CUL3: variants seen among roughly 807,000 people sequenced by gnomAD.
The protein encoded by CUL3 is cullin 3, also known as cullin-3.
CUL3 carries 19 observed loss-of-function variants against 89.1 expected under a neutral mutation model. That is an observed-to-expected ratio of 0.21 (90% CI 0.15 to 0.31). The LOEUF (loss-of-function observed/expected upper bound fraction) is 0.31. Among genes scored for constraint, CUL3 ranks in the 10% least tolerant of loss-of-function variants. The pLI, the probability that CUL3 is intolerant of heterozygous loss-of-function variation, is 1.00. For synonymous variants in CUL3, 351 were observed against 308.4 expected (o/e 1.14, Z -1.45); for missense variants, 469 against 942.3 (o/e 0.50, Z 6.58).
In CUL3 at chr2:224,471,692, T is replaced by C. The variant is rs1440895219; in HGVS notation, c.*2553A>G. The C allele has an allele frequency of 2.3e-5, 5 of 220,728 alleles. No individual in the cohort carries two copies. Among genetic ancestry groups the C allele is most frequent in the Non-Finnish European group, 3.6e-5 (4 of 110,252 alleles). 13.7% of individuals were successfully genotyped at this position (220,728 alleles called of 1,614,324 possible). On this transcript the variant is annotated 3_prime_UTR_variant, in exon 16 of 16. Coordinates refer to ENST00000264414, the MANE Select transcript of CUL3 (RefSeq NM_003590.5). ...AGAATCCTTGCAATCACAACCACTTTTTGTGAGGCTGTGCGTTCCCTAATT... is the reference window on the plus strand; with the variant it reads ...AGAATCCTTGCAATCACAACCACTTCTTGTGAGGCTGTGCGTTCCCTAATT...
intron 1 of CUL3, among the ~76,000 whole-genome samples, chr2:224,573,642 C>T (rs1695234578): frequency 6.6e-6 from 1 of 152,158 alleles, no homozygotes; most frequent in Non-Finnish European, 1.5e-5. Flanking sequence ...AGATCTGCCC[C>T]TGGCTAATAA....
intron 12 of CUL3, among the ~76,000 whole-genome samples, chr2:224,496,589 T>TA (rs1334824934): frequency 6.6e-6 from 1 of 152,082 alleles, no homozygotes; most frequent in African/African-American, 2.4e-5. Flanking sequence ...ATAATAATAA[T>TA]AGACTTACAA....
At chr2:224,488,279 GGA>G (rs1691818004) in intron 13 of CUL3, among the ~76,000 whole-genome samples, 1 of 151,462 alleles carries the variant, frequency 6.6e-6, no homozygotes, top group Non-Finnish European at 1.5e-5. Context: ...CAGAACTGAA[GGA>G]GATAAGAGAA....
At chr2:224,496,610 C>T (rs1372987394) in intron 12 of CUL3, among the ~76,000 whole-genome samples, 1 of 152,004 alleles carries the variant, frequency 6.6e-6, no homozygotes, top group Non-Finnish European at 1.5e-5. Flanking sequence ...AACACCACTA[C>T]TGTTATACTA....
At chr2:224,523,596 T>TG (rs1242568643) in intron 3 of CUL3, among the ~76,000 whole-genome samples, 2 of 152,194 alleles carry the variant, frequency 1.3e-5, no homozygotes, top group Non-Finnish European at 2.9e-5. Flanking sequence ...AAGCACATCT[T>TG]GAAGAGGTAT....
At chr2:224,506,230 A>G (rs1044405436) in intron 7 of CUL3, 98 bp from the exon 8 acceptor site, 5 of 739,410 alleles carry the variant, frequency 6.8e-6, no homozygotes, top group Admixed American at 3.4e-5. Flanking sequence ...TGCTGGTAAT[A>G]AACATGTATA....
At chr2:224,522,131 T>C (rs1380669003) in intron 3 of CUL3, among the ~76,000 whole-genome samples, 1 of 151,348 alleles carries the variant, frequency 6.6e-6, no homozygotes, top group African/African-American at 2.4e-5. Flanking sequence ...ATGTTAGAAC[T>C]TGCCTTACCA....
In CUL3 at chr2:224,481,886, A is replaced by G. The variant is rs2106151111; in HGVS notation, c.2029+6T>C. ...TTTTTGAGAGGAAAAATATAATTCC[A>G]GATACCTGTTTGAATCTTGACTCTG... On this transcript the variant is annotated splice_donor_region_variant and intron_variant, in intron 14 of 15. Transcript: ENST00000264414. 1 of 1,464,476 alleles carries G rather than the reference A, an allele frequency of 6.8e-7. No individual in the cohort carries two copies. The highest frequency in any genetic ancestry group is 1.5e-5 in the African/African-American group (1 of 68,496). The allele number at this position is 1,464,476 out of a possible 1,614,324, so 90.7% of individuals were successfully genotyped here.
chr2:224,557,466 T>C (rs994770866), intron 2 of CUL3, among the ~76,000 whole-genome samples, 193 bp downstream of exon 2: 2 of 152,174 alleles, frequency 1.3e-5, no homozygotes, highest in African/African-American at 4.8e-5. Flanking sequence ...ACAAACTTCA[T>C]CTCTCAAATA....
intron 2 of CUL3, among the ~76,000 whole-genome samples, chr2:224,541,089 T>A (rs181035773): frequency 1.1e-4 from 16 of 151,772 alleles, no homozygotes; most frequent in African/African-American, 3.9e-4. Context: ...AAGCATAATT[T>A]ATAAAAGAAA....
Position 224,526,585 on chromosome 2 carries a change from C to CAA in CUL3, c.378+8941_378+8942dup, listed in dbSNP as rs1166152595. On this transcript the variant is annotated intron_variant, in intron 3 of 15. Coordinates refer to ENST00000264414, the MANE Select transcript of CUL3 (RefSeq NM_003590.5). ...TGGGCGACAGAGGGAGACTCCGTCT[C>CAA]AAAAAAAAAAAAAAAAAAAAAAAAA... Among the ~76,000 whole-genome samples the CAA allele has an allele frequency of 3.8e-3, 98 of 26,094 alleles. 3 individuals carry two copies. The highest frequency in any genetic ancestry group is 7.5e-3 in the East Asian group (9 of 1,196). The allele number at this position is 26,094 out of a possible 152,430, so 17.1% of individuals were successfully genotyped here.
intron 1 of CUL3, among the ~76,000 whole-genome samples, chr2:224,571,218 T>C (rs764995996): frequency 3.9e-5 from 6 of 152,134 alleles, no homozygotes; most frequent in Admixed American, 2.6e-4. Context: ...AATTCAAACA[T>C]TGTACTTACA....
At chr2:224,524,235 T>C (rs1258709032) in intron 3 of CUL3, among the ~76,000 whole-genome samples, 1 of 152,110 alleles carries the variant, frequency 6.6e-6, no homozygotes, top group Admixed American at 6.5e-5. Flanking sequence ...AGTCACTTGC[T>C]GTCTTTGGAG....
At chr2:224,574,432 T>G (rs1264838032) in intron 1 of CUL3, among the ~76,000 whole-genome samples, 2 of 152,222 alleles carry the variant, frequency 1.3e-5, no homozygotes, top group African/African-American at 4.8e-5. Flanking sequence ...GTTGAGCAAG[T>G]AGTATTCTCC....
At chr2:224,554,540 C>G (rs1694633723) in intron 2 of CUL3, among the ~76,000 whole-genome samples, 1 of 152,136 alleles carries the variant, frequency 6.6e-6, no homozygotes, top group Non-Finnish European at 1.5e-5. Context: ...GAATTCAGTT[C>G]CGGCTAGGCC....
At chr2:224,511,655 CA>C in intron 5 of CUL3, 73 bp from the exon 6 acceptor site, 1 of 801,896 alleles carries the variant, frequency 1.2e-6, no homozygotes, top group Non-Finnish European at 1.9e-6. Flanking sequence ...TGGGTTTCTA[CA>C]GTGTTTATAA....
intron 3 of CUL3, among the ~76,000 whole-genome samples, chr2:224,527,038 A>C (rs1693507165): frequency 6.6e-6 from 1 of 152,198 alleles, no homozygotes; most frequent in South Asian, 2.1e-4. Flanking sequence ...TTCTAACTAT[A>C]AAAAGATGCC....
intron 3 of CUL3, among the ~76,000 whole-genome samples, chr2:224,522,369 A>G (rs1460640859): frequency 1.3e-5 from 2 of 152,184 alleles, no homozygotes; most frequent in African/African-American, 4.8e-5. Flanking sequence ...CTTTCTCAAT[A>G]CTTTCCATGA....
intron 2 of CUL3, among the ~76,000 whole-genome samples, chr2:224,536,551 T>C (rs899683824): frequency 9.9e-5 from 15 of 152,240 alleles, no homozygotes; most frequent in East Asian, 1.9e-4. Flanking sequence ...ACACCTAGAA[T>C]AGTGCTTGGT....
Sources: gnomAD v4.1 joint callset for allele counts (sites outside exome capture counted in the v4.1 genomes callset) on GRCh38, gnomAD v4.1.1 for gene constraint, MANE v1.5 for transcripts, NCBI Gene and HGNC (gene_info 2026-07-23, HGNC 2026-07-21) for gene names.